Variants in PARP1 observed in about 807,000 individuals in gnomAD.
PARP1 encodes the protein poly(ADP-ribose) polymerase 1, also known as poly [ADP-ribose] polymerase 1.
PARP1 carries 44 observed loss-of-function variants against 118.7 expected under a neutral mutation model. That is an observed-to-expected ratio of 0.37 (90% CI 0.29 to 0.48). PARP1 has a LOEUF of 0.48. PARP1 is among the 20% of genes least tolerant of loss of function. PARP1 has a pLI of 0.99. For missense variants in PARP1, 1,100 were observed against 1,272.4 expected, an observed-to-expected ratio of 0.86 and a Z score of 2.06; for synonymous variants, 492 against 483.2, an observed-to-expected ratio of 1.02 and a Z score of -0.24.
intron 14 of PARP1, among the ~76,000 whole-genome samples, chr1:226,373,974 G>A (rs1425489219): frequency 2.6e-5 from 4 of 151,964 alleles, no homozygotes; most frequent in Non-Finnish European, 5.9e-5. Context: ...GTACAAAGGG[G>A]ACTAGGGACC....
chr1:226,392,449 T>C (rs1215583231), intron 2 of PARP1, 135 bp from the exon 3 acceptor site: 3 of 733,674 alleles, frequency 4.1e-6, no homozygotes, highest in Non-Finnish European at 7.5e-6. Context: ...GATTGGTCCA[T>C]CTCATCTGTC....
At chr1:226,380,543 C>T (rs1435874859) in intron 9 of PARP1, among the ~76,000 whole-genome samples, 3 of 152,202 alleles carry the variant, frequency 2.0e-5, no homozygotes, top group African/African-American at 7.2e-5. Flanking sequence ...CCTACCTTTT[C>T]CAAACATACT....
rs771699480 is a variant in PARP1 at position 226,380,056 on chromosome 1, T to A, written c.1409A>T (p.Gln470Leu). The change falls in exon 10 of 23, where the codon CAG (glutamine) becomes CTG (leucine). Residue 470 changes from glutamine to leucine, a missense_variant. Physicochemically the swap from Gln to Leu is moderately radical, Grantham distance 113. Around this residue, in one of 2 missense-constraint regions of PARP1, gnomAD observed 948 missense variants for 1,031.8 expected, o/e 0.92. Transcript: ENST00000366794. ...QDVSASTKSL[Q>L]ELFLAHILSP... ...CAAGATGTGCGCTAAGAACAACTCC[T>A]GAAGGCTCTTGGTGGAGGCGGAGAC... is the stretch of plus-strand genomic sequence containing the variant. The A allele has an allele frequency of 6.2e-7, 1 of 1,614,106 alleles. No individual in the cohort carries two copies. Among genetic ancestry groups the A allele is most frequent in the African/African-American group, 1.3e-5 (1 of 74,938 alleles).
intron 17 of PARP1, 145 bp from the exon 18 acceptor site, chr1:226,366,197 G>A (rs1664263000): frequency 7.3e-6 from 5 of 688,216 alleles, no homozygotes; most frequent in Non-Finnish European, 8.0e-6. Context: ...TCCCAGGCCT[G>A]TGGGCTGGGC....
At chr1:226,400,508 G>A (rs993130854) in intron 2 of PARP1, among the ~76,000 whole-genome samples, 7 of 152,186 alleles carry the variant, frequency 4.6e-5, no homozygotes, top group Non-Finnish European at 1.0e-4. Context: ...GTATCCCCAG[G>A]GTGGGCTACC....
intron 12 of PARP1, 136 bp downstream of exon 12, chr1:226,379,006 G>C: frequency 9.5e-7 from 1 of 1,055,834 alleles, no homozygotes; most frequent in Admixed American, 1.7e-5. Flanking sequence ...CTTATAATTT[G>C]TTTTTGATCT....
chr1:226,366,378 T>C (rs377265742), intron 17 of PARP1: 108 of 353,764 alleles, frequency 3.1e-4, no homozygotes, highest in African/African-American at 1.6e-3. Context: ...GAACAAGCAA[T>C]TGGCTCCTGG....
chr1:226,371,558 G>A (rs1664382805), intron 14 of PARP1, among the ~76,000 whole-genome samples: 1 of 152,166 alleles, frequency 6.6e-6, no homozygotes. Context: ...CCATCCTAAG[G>A]GAAGATCTGA....
chr1:226,383,831 G>C (rs1664666778), intron 7 of PARP1, among the ~76,000 whole-genome samples: 1 of 152,174 alleles, frequency 6.6e-6, no homozygotes, highest in Non-Finnish European at 1.5e-5. Flanking sequence ...TGTGCTCCCA[G>C]GTCTTCATCC....
At chr1:226,373,276 G>T (rs539611495) in intron 14 of PARP1, among the ~76,000 whole-genome samples, 1 of 152,192 alleles carries the variant, frequency 6.6e-6, no homozygotes, top group African/African-American at 2.4e-5. Context: ...GCTTAAGGCT[G>T]ATCTGAGACT....
At chr1:226,383,937 A>G (rs1319465891) in intron 7 of PARP1, among the ~76,000 whole-genome samples, 1 of 152,214 alleles carries the variant, frequency 6.6e-6, no homozygotes, top group Non-Finnish European at 1.5e-5. Flanking sequence ...AGACCACCTA[A>G]TATGTGCTAC....
chr1:226,362,463 ATG>A (rs1440655341), intron 21 of PARP1, among the ~76,000 whole-genome samples: 3 of 152,182 alleles, frequency 2.0e-5, no homozygotes, highest in African/African-American at 7.2e-5. Flanking sequence ...TTTTAAAGAC[ATG>A]CTCTATCTTT....
chr1:226,388,607 G>T, intron 5 of PARP1, 49 bp downstream of exon 5: 1 of 1,264,174 alleles, frequency 7.9e-7, no homozygotes, highest in South Asian at 1.2e-5. Context: ...ATGAGAAAGA[G>T]AATCCAGACA....
At chr1:226,404,122 T>C (rs1329049806) in intron 1 of PARP1, among the ~76,000 whole-genome samples, 2 of 152,140 alleles carry the variant, frequency 1.3e-5, no homozygotes, top group Non-Finnish European at 2.9e-5. Context: ...CACTAAGAAC[T>C]ATGCATTTGG....
intron 2 of PARP1, among the ~76,000 whole-genome samples, chr1:226,395,926 G>C (rs1022392938): frequency 6.6e-6 from 1 of 152,194 alleles, no homozygotes; most frequent in Non-Finnish European, 1.5e-5. Context: ...AGGGAGAACA[G>C]GCAGTTATTG....
At chr1:226,396,992 C>T (rs1359778049) in intron 2 of PARP1, among the ~76,000 whole-genome samples, 1 of 151,900 alleles carries the variant, frequency 6.6e-6, no homozygotes, top group African/African-American at 2.4e-5. Context: ...AAAACAGCCA[C>T]AGAACAACAA....
At chr1:226,378,102 G>A (rs1664530270) in intron 12 of PARP1, among the ~76,000 whole-genome samples, 1 of 151,974 alleles carries the variant, frequency 6.6e-6, no homozygotes, top group East Asian at 1.9e-4. Context: ...CTTGATCTAC[G>A]TTGAAAATTT....
chr1:226,388,045 C>G (rs1224454034), intron 5 of PARP1, among the ~76,000 whole-genome samples: 1 of 152,184 alleles, frequency 6.6e-6, no homozygotes, highest in Non-Finnish European at 1.5e-5. Context: ...CAACTGTTCT[C>G]CCTCAATTTC....
chr1:226,406,766 G>A (rs551708333), intron 1 of PARP1, among the ~76,000 whole-genome samples: 1 of 152,324 alleles, frequency 6.6e-6, no homozygotes, highest in East Asian at 1.9e-4. Flanking sequence ...CAAGATGACA[G>A]GCATATTGTG....
Sources: allele counts gnomAD v4.1 joint callset (sites outside exome capture counted in the v4.1 genomes callset), GRCh38; gene constraint gnomAD v4.1.1; regional missense constraint gnomAD v4.1.1; transcripts MANE v1.5; gene names NCBI Gene and HGNC (gene_info 2026-07-23, HGNC 2026-07-21).